The following THEMIS variants were observed in gnomAD, a reference collection of about 807,000 sequenced individuals.
THEMIS encodes the protein protein THEMIS.
THEMIS carries 37 observed loss-of-function variants against 52.6 expected under a neutral mutation model. That is an observed-to-expected ratio of 0.70 (90% CI 0.54 to 0.93). The LOEUF (loss-of-function observed/expected upper bound fraction) is 0.93, where lower values mean the gene tolerates loss of function less well. Among genes scored for constraint, THEMIS ranks in the 40% least tolerant of loss-of-function variants. The pLI is 0.00. For synonymous variants in THEMIS, 292 were observed against 272.7 expected, an observed-to-expected ratio of 1.07 and a Z score of -0.70; for missense variants, 808 against 763.1, an observed-to-expected ratio of 1.06 and a Z score of -0.69.
chr6:127,717,448 G>A (rs1158581680), intron 5 of THEMIS, among the ~76,000 whole-genome samples: 1 of 151,688 alleles, frequency 6.6e-6, no homozygotes, highest in Admixed American at 6.6e-5. Flanking sequence ...TAATAATAAT[G>A]TTCTTAAAAT....
At chr6:127,914,625 A>T (rs537580358) in intron 1 of THEMIS, among the ~76,000 whole-genome samples, 174 of 152,334 alleles carry the variant, frequency 1.1e-3, no homozygotes, top group African/African-American at 4.1e-3. Flanking sequence ...ACATATCTAA[A>T]CATAGAAAAA....
chr6:127,858,428 G>A (rs537432587), intron 1 of THEMIS, among the ~76,000 whole-genome samples: 1 of 152,082 alleles, frequency 6.6e-6, no homozygotes, highest in Non-Finnish European at 1.5e-5. Flanking sequence ...GTTCAGAGAT[G>A]TCCAGCACTA....
chr6:127,785,032 A>G (rs982600766), intron 4 of THEMIS, among the ~76,000 whole-genome samples: 6 of 150,604 alleles, frequency 4.0e-5, no homozygotes, highest in Non-Finnish European at 8.9e-5. Context: ...CTACCTATCA[A>G]TATCTTTCTA....
chr6:127,842,234 G>T (rs1159401542), intron 2 of THEMIS, among the ~76,000 whole-genome samples: 1 of 151,866 alleles, frequency 6.6e-6, no homozygotes. Context: ...ATGAAAGATT[G>T]ATCATTTCAA....
chr6:127,744,747 T>G (rs1775328108), intron 4 of THEMIS, among the ~76,000 whole-genome samples: 1 of 151,990 alleles, frequency 6.6e-6, no homozygotes, highest in African/African-American at 2.4e-5. Context: ...TATAGATATA[T>G]GCTCTACAAT....
intron 1 of THEMIS, among the ~76,000 whole-genome samples, chr6:127,871,743 T>C (rs1241287789): frequency 6.6e-6 from 1 of 152,140 alleles, no homozygotes; most frequent in African/African-American, 2.4e-5. Flanking sequence ...ATACTACTTC[T>C]CATCCAGTAT....
In THEMIS at chr6:127,708,716, A is replaced by G. The variant is rs1773873601; in HGVS notation, c.*1269T>C. ...ATCACTAAGCAATTTTTAGGACACT[A>G]GAAATCAGGATTCATTGTTACTTAG... On this transcript the variant is annotated 3_prime_UTR_variant, in exon 6 of 6. Transcript: ENST00000368248. 6.6e-6 allele frequency: 1 copy of G among 152,130 alleles called. No individual in the cohort carries two copies. Among genetic ancestry groups the G allele is most frequent in the Admixed American group, 6.6e-5 (1 of 15,266 alleles). The allele number at this position is 152,130 out of a possible 1,614,324, so 9.4% of individuals were successfully genotyped here.
intron 2 of THEMIS, among the ~76,000 whole-genome samples, chr6:127,852,855 A>AT (rs1779477880): frequency 6.6e-6 from 1 of 151,374 alleles, no homozygotes; most frequent in South Asian, 2.1e-4. Flanking sequence ...TTACCTTTCC[A>AT]TTTTCACTCT....
At chr6:127,895,507 C>A (rs1780937616) in intron 1 of THEMIS, among the ~76,000 whole-genome samples, 1 of 151,388 alleles carries the variant, frequency 6.6e-6, no homozygotes, top group South Asian at 2.1e-4. Context: ...GGAAAACAGA[C>A]AAAATACGAT....
intron 4 of THEMIS, among the ~76,000 whole-genome samples, chr6:127,730,318 G>GAAGAAAAGAAAAGAAAAGAAAAGAA (rs71272309): frequency 8.6e-6 from 1 of 116,958 alleles, no homozygotes; most frequent in Non-Finnish European, 1.7e-5. Context: ...AAAGAAAAGA[G>GAAGAAAAGAAAAGAAAAGAAAAGAA]AAAAAAAGAA....
intron 4 of THEMIS, among the ~76,000 whole-genome samples, chr6:127,781,269 G>T (rs1186632173): frequency 6.6e-6 from 1 of 151,674 alleles, no homozygotes; most frequent in Non-Finnish European, 1.5e-5. Context: ...CTCTCAAGTG[G>T]TTATTCTAGT....
intron 4 of THEMIS, among the ~76,000 whole-genome samples, chr6:127,795,729 TAAG>T (rs1009052534): frequency 5.3e-5 from 8 of 152,284 alleles, no homozygotes; most frequent in Middle Eastern, 6.8e-3. Context: ...AGATTAATAC[TAAG>T]AAGAAGAAGA....
intron 4 of THEMIS, among the ~76,000 whole-genome samples, chr6:127,750,837 G>A (rs2114335205): frequency 6.6e-6 from 1 of 151,836 alleles, no homozygotes; most frequent in Middle Eastern, 3.4e-3. Flanking sequence ...TATTCCAAGT[G>A]CTGAAAACAT....
At chr6:127,750,561 T>C (rs117748992) in intron 4 of THEMIS, among the ~76,000 whole-genome samples, 1,937 of 151,964 alleles carry the variant, frequency 0.013, 24 homozygotes, top group Middle Eastern at 0.024. Flanking sequence ...AAGGTATGTA[T>C]TTGGATTCCA....
At chr6:127,781,535 C>A (rs896320705) in intron 4 of THEMIS, among the ~76,000 whole-genome samples, 1 of 152,034 alleles carries the variant, frequency 6.6e-6, no homozygotes, top group Non-Finnish European at 1.5e-5. Flanking sequence ...ATTTATCTAT[C>A]TTTTGTCTTT....
chr6:127,738,849 C>T (rs1249284335), intron 4 of THEMIS, among the ~76,000 whole-genome samples: 1 of 152,146 alleles, frequency 6.6e-6, no homozygotes, highest in African/African-American at 2.4e-5. Flanking sequence ...TTGATATGAA[C>T]CGCTATGTCC....
chr6:127,882,839 A>C (rs956413293), intron 1 of THEMIS, among the ~76,000 whole-genome samples: 2 of 151,930 alleles, frequency 1.3e-5, no homozygotes, highest in Non-Finnish European at 2.9e-5. Flanking sequence ...TTTTACTACC[A>C]CATCACTGCT....
At chr6:127,739,955 T>A (rs1440839593) in intron 4 of THEMIS, among the ~76,000 whole-genome samples, 2 of 152,152 alleles carry the variant, frequency 1.3e-5, no homozygotes, top group Non-Finnish European at 2.9e-5. Flanking sequence ...CAGACATGCA[T>A]CCATTCTCAA....
intron 1 of THEMIS, chr6:127,868,497 G>A (rs1780053787): frequency 1.0e-6 from 1 of 985,204 alleles, no homozygotes; most frequent in Admixed American, 6.2e-5. Context: ...ATGAACTCTG[G>A]TGTGCCACAA....
Sources: gnomAD v4.1 joint callset for allele counts (sites outside exome capture counted in the v4.1 genomes callset) on GRCh38, gnomAD v4.1.1 for gene constraint, MANE v1.5 for transcripts, NCBI Gene and HGNC (gene_info 2026-07-23, HGNC 2026-07-21) for gene names.